The following MAPK8IP3 variants were observed in gnomAD, a reference collection of about 807,000 sequenced individuals.
The protein encoded by MAPK8IP3 is C-Jun-amino-terminal kinase-interacting protein 3.
Under a neutral mutation model 157.8 loss-of-function variants are expected in MAPK8IP3, and 49 were observed. The observed-to-expected ratio is 0.31, with a 90% CI of 0.25 to 0.39. The LOEUF is 0.39. MAPK8IP3 is among the 10% of genes least tolerant of loss of function. The pLI, the probability that MAPK8IP3 is intolerant of heterozygous loss-of-function variation, is 1.00. For synonymous variants in MAPK8IP3, 897 were observed against 777.7 expected, an observed-to-expected ratio of 1.15 and a Z score of -2.55; for missense variants, 1,478 against 1,889.4, an observed-to-expected ratio of 0.78 and a Z score of 4.04.
At chr16:1,738,764 C>T (rs1452792343) in intron 4 of MAPK8IP3, among the ~76,000 whole-genome samples, 13 of 114,358 alleles carry the variant, frequency 1.1e-4, no homozygotes, top group African/African-American at 4.5e-4. Context: ...TCCGTGTGAG[C>T]GTCCGTGTGA....
Position 1,768,274 on chromosome 16 carries a change from G to C in MAPK8IP3, c.3638G>C (p.Ser1213Thr). Residue 1213 changes from serine (S) to threonine (T), a missense_variant, in exon 30 of 32, where the codon AGT becomes ACT. This residue lies in a region of MAPK8IP3 where 83 missense variants were observed against 85.3 expected (regional missense o/e 0.97). Coordinates refer to ENST00000610761, the MANE Select transcript of MAPK8IP3 (RefSeq NM_001318852.2). ...GIIHVYGDDSSDRAASSFIPY... is the reference protein window; with the variant it reads ...GIIHVYGDDSTDRAASSFIPY... ...ATCCACGTGTATGGCGATGACAGCA[G>C]TGACAGGGCGGCCAGCAGCTTCATC... is the stretch of plus-strand genomic sequence containing the variant. 6.2e-7 allele frequency: 1 copy of C among 1,611,816 alleles called. No homozygotes were observed. Among genetic ancestry groups the C allele is most frequent in the Non-Finnish European group, 8.5e-7 (1 of 1,179,992 alleles).
At chr16:1,737,249 TGTGAG>T (rs2040019854) in intron 4 of MAPK8IP3, among the ~76,000 whole-genome samples, 2 of 98,042 alleles carry the variant, frequency 2.0e-5, no homozygotes, top group Non-Finnish European at 3.9e-5. Flanking sequence ...CGTGTGACCG[TGTGAG>T]CGTCCGTGTG....
chr16:1,735,358 G>A (rs947874449), intron 4 of MAPK8IP3, among the ~76,000 whole-genome samples: 6 of 151,512 alleles, frequency 4.0e-5, no homozygotes, highest in South Asian at 2.1e-4. Context: ...GCGTGTGAGC[G>A]TCCATGTGAG....
At chr16:1,762,154 C>G (rs2041990269) in intron 13 of MAPK8IP3, among the ~76,000 whole-genome samples, 197 bp from the exon 14 acceptor site, 1 of 152,258 alleles carries the variant, frequency 6.6e-6, no homozygotes, top group Admixed American at 6.5e-5. Context: ...GGTCCCCTGT[C>G]AGCACCCAAG....
chr16:1,758,276 G>C, intron 9 of MAPK8IP3, 117 bp downstream of exon 9: 1 of 1,198,892 alleles, frequency 8.3e-7, no homozygotes, highest in Non-Finnish European at 1.2e-6. Flanking sequence ...CCACGTCGCC[G>C]CAGCGCCTCT....
At chr16:1,715,894 T>A (rs372833143) in intron 1 of MAPK8IP3, among the ~76,000 whole-genome samples, 208 of 151,974 alleles carry the variant, frequency 1.4e-3, no homozygotes, top group African/African-American at 4.9e-3. Context: ...CCCAGCTGAT[T>A]TTTTGTATTT....
intron 2 of MAPK8IP3, among the ~76,000 whole-genome samples, chr16:1,728,112 C>T (rs575868880): frequency 4.1e-4 from 62 of 152,330 alleles, no homozygotes; most frequent in Middle Eastern, 6.8e-3. Flanking sequence ...GCCGGGGGCA[C>T]GCATGCACCA....
chr16:1,712,157 G>A (rs978196589), intron 1 of MAPK8IP3, among the ~76,000 whole-genome samples: 4 of 145,728 alleles, frequency 2.7e-5, no homozygotes, highest in African/African-American at 5.1e-5. Context: ...CACCTCCCAG[G>A]TTTATGCCAT....
At chr16:1,754,993 G>A (rs573508254) in intron 8 of MAPK8IP3, among the ~76,000 whole-genome samples, 1 of 152,290 alleles carries the variant, frequency 6.6e-6, no homozygotes, top group East Asian at 1.9e-4. Context: ...CATGCTTGTT[G>A]GAGATTTTTC....
rs557107692 is a variant in MAPK8IP3 at position 1,739,617 on chromosome 16, A to G, written c.603-3715A>G. On this transcript the variant is annotated intron_variant, in intron 4 of 31. Transcript: ENST00000610761. ...GACCGTCCGTGTGAGCTTCCGTGTG[A>G]CCGTCCGTGTGAGCTTCCGTGTGAC... Among the ~76,000 whole-genome samples, 290 of 110,736 alleles carry G rather than the reference A, an allele frequency of 2.6e-3. 12 individuals carry two copies. The highest frequency in any genetic ancestry group is 9.3e-3 in the African/African-American group (253 of 27,210). The allele number at this position is 110,736 out of a possible 152,430, so 72.6% of individuals were successfully genotyped here.
chr16:1,744,426 C>T, intron 5 of MAPK8IP3: 25 of 985,962 alleles, frequency 2.5e-5, no homozygotes, highest in Non-Finnish European at 2.9e-5. Flanking sequence ...CAGGCTCCTG[C>T]TCCGTCAGCC....
chr16:1,766,990 G>A lies in MAPK8IP3; in HGVS notation c.3088+19G>A. On this transcript the variant is annotated intron_variant, in intron 25 of 31. Coordinates refer to ENST00000610761, the MANE Select transcript of MAPK8IP3 (RefSeq NM_001318852.2). ...GGTGAAGGTGGGGCCTGGCAGCACG[G>A]GGTGTGTGGGTGGCAGCTGATGGCC... 5 of 1,574,004 alleles carry A rather than the reference G, an allele frequency of 3.2e-6. No homozygotes were observed. In the South Asian group the frequency reaches 5.9e-5, roughly 19 times the overall value.
Position 1,765,042 on chromosome 16 carries a change from C to G in MAPK8IP3, c.2310C>G (p.Thr770=). The G allele has an allele frequency of 6.2e-7, 1 of 1,610,900 alleles. No homozygotes were observed. The highest frequency in any genetic ancestry group is 8.5e-7 in the Non-Finnish European group (1 of 1,178,380). ...KAKELPEMDA[T]SSRVWILTST... ...AGGAGCTCCCTGAAATGGACGCCAC[C>G]TCCAGCCGGGTGTGGATCCTGACCA... The change falls in exon 20 of 32, where the codon ACC becomes ACG. Residue 770 remains threonine, a synonymous_variant. Transcript: ENST00000610761.
In MAPK8IP3 at chr16:1,768,546, C is replaced by G. The variant is rs1418378619; in HGVS notation, c.3812C>G (p.Pro1271Arg). Residue 1271 changes from proline (P) to arginine (R), a missense_variant, in exon 31 of 32, where the codon CCT becomes CGT. By Grantham distance (103) the Pro-to-Arg change is moderately radical (BLOSUM62 -2). Around this residue, in one of 11 missense-constraint regions of MAPK8IP3, gnomAD observed 133 missense variants for 133.4 expected, o/e 1.00. Coordinates refer to ENST00000610761, the MANE Select transcript of MAPK8IP3 (RefSeq NM_001318852.2). Reference protein sequence around the residue: ...SPAEGPGPAAPASEVEGQKLR... With the variant: ...SPAEGPGPAARASEVEGQKLR... The stretch of plus-strand genomic sequence containing the variant: ...GCCGAGGGCCCTGGGCCAGCTGCCC[C>G]TGCCTCGGAGGTCGAGGGCCAGAAG... The G allele has an allele frequency of 2.6e-6, 4 of 1,566,336 alleles. No individual in the cohort carries two copies. The highest frequency in any genetic ancestry group is 3.5e-6 in the Non-Finnish European group (4 of 1,156,768).
At chr16:1,707,281 T>A (rs1242867327) in intron 1 of MAPK8IP3, 2 of 152,180 alleles carry the variant, frequency 1.3e-5, no homozygotes, top group African/African-American at 4.8e-5. Flanking sequence ...GTGAATTGGG[T>A]GGTTGATGTA....
chr16:1,762,309 C>A (rs151228478), intron 13 of MAPK8IP3, 42 bp from the exon 14 acceptor site: 25,836 of 1,531,858 alleles, frequency 0.017, 302 homozygotes, highest in South Asian at 0.033. Flanking sequence ...TGTCACCCGG[C>A]CTCCGAGGGC....
intron 5 of MAPK8IP3, chr16:1,746,522 G>C (rs1376601846): frequency 6.1e-6 from 1 of 163,326 alleles, no homozygotes; most frequent in Admixed American, 6.2e-5. Flanking sequence ...CCCTGGCCCT[G>C]ACCTGAGCCC....
rs1041139304 is a variant in MAPK8IP3, at chr16:1,750,493, G to A, written c.1216+1773G>A. 3.3e-5 allele frequency among the ~76,000 whole-genome samples: 5 copies of A among 152,120 alleles called. No homozygotes were observed. In the East Asian group the frequency reaches 9.7e-4, roughly 29 times the overall value. Reference sequence around the variant, plus strand: ...CTCCCAAAGTACTGGGATTACAAGTGTGAGCCACCATGCCCGGCCGATAAT... The same window carrying A: ...CTCCCAAAGTACTGGGATTACAAGTATGAGCCACCATGCCCGGCCGATAAT... On this transcript the variant is annotated intron_variant, in intron 8 of 31. Coordinates refer to ENST00000610761, the MANE Select transcript of MAPK8IP3 (RefSeq NM_001318852.2).
intron 1 of MAPK8IP3, among the ~76,000 whole-genome samples, chr16:1,723,146 G>A (rs768359248): frequency 1.3e-5 from 2 of 151,630 alleles, no homozygotes; most frequent in Admixed American, 6.6e-5. Context: ...GCGATTCTCC[G>A]CCTCAGCCTC....
Sources: allele counts gnomAD v4.1 joint callset (sites outside exome capture counted in the v4.1 genomes callset), GRCh38; gene constraint gnomAD v4.1.1; regional missense constraint gnomAD v4.1.1; transcripts MANE v1.5; gene names NCBI Gene and HGNC (gene_info 2026-07-23, HGNC 2026-07-21).